The following ASAP1 variants were observed in gnomAD, a reference collection of about 807,000 sequenced individuals.
ASAP1 encodes the protein arf-GAP with SH3 domain, ANK repeat and PH domain-containing protein 1.
A neutral mutation model predicts 145.2 loss-of-function variants in ASAP1; 43 were observed. The observed-to-expected ratio is 0.30, with a 90% confidence interval of 0.23 to 0.38. ASAP1 has a LOEUF of 0.38. Ranked by LOEUF, ASAP1 falls within the 10% of genes least tolerant of loss-of-function variation. ASAP1 has a pLI of 1.00. For synonymous variants in ASAP1, 546 were observed against 515.5 expected (o/e 1.06, Z -0.80); for missense variants, 1,018 against 1,355.3 (o/e 0.75, Z 3.91).
chr8:130,114,308 T>A (rs1045900369), intron 23 of ASAP1, among the ~76,000 whole-genome samples: 1 of 152,206 alleles, frequency 6.6e-6, no homozygotes, highest in African/African-American at 2.4e-5. Flanking sequence ...GCTACAAACC[T>A]GTACAGCATG....
At chr8:130,170,403 C>G (rs746026491) in intron 9 of ASAP1, among the ~76,000 whole-genome samples, 1 of 152,106 alleles carries the variant, frequency 6.6e-6, no homozygotes, top group Non-Finnish European at 1.5e-5. Flanking sequence ...GATCTGCCCA[C>G]CTCGGCCTCC....
chr8:130,362,500 T>C (rs1420555491), intron 2 of ASAP1, among the ~76,000 whole-genome samples: 1 of 152,240 alleles, frequency 6.6e-6, no homozygotes, highest in African/African-American at 2.4e-5. Context: ...TATGGATAAG[T>C]AGGCTGATGC....
At position 130,076,157 on chromosome 8, in the gene ASAP1, C is replaced by T. The variant is rs1021964843; in HGVS notation, c.2701+191G>A. On this transcript the variant is annotated intron_variant, in intron 27 of 29. Transcript: ENST00000518721. ...TATTCTGGAAAAGTATGGTGCTTTG[C>T]TAATCACCAAATTTGAGTTTATAAA... Among the ~76,000 whole-genome samples, 7 of 152,156 alleles carry T rather than the reference C, an allele frequency of 4.6e-5. No homozygotes were observed. The South Asian group carries it at 1.2e-3, about 27-fold the overall frequency.
At chr8:130,441,431 C>A (rs754211680) in intron 1 of ASAP1, among the ~76,000 whole-genome samples, 10 of 152,194 alleles carry the variant, frequency 6.6e-5, no homozygotes, top group Non-Finnish European at 1.3e-4. Flanking sequence ...CCTTCCGGAG[C>A]CCATGCCAGA....
intron 3 of ASAP1, among the ~76,000 whole-genome samples, chr8:130,277,691 G>T (rs1820996211): frequency 6.6e-6 from 1 of 152,178 alleles, no homozygotes; most frequent in Admixed American, 6.5e-5. Flanking sequence ...AATGCCTTAG[G>T]AAACACCACC....
intron 27 of ASAP1, among the ~76,000 whole-genome samples, chr8:130,065,090 G>A (rs940353700): frequency 7.9e-5 from 12 of 151,826 alleles, no homozygotes; most frequent in African/African-American, 2.4e-4. Flanking sequence ...TATGTTACCC[G>A]GCTGGTCTCC....
At chr8:130,124,200 T>G in intron 17 of ASAP1, 96 bp from the exon 18 acceptor site, 1 of 871,610 alleles carries the variant, frequency 1.1e-6, no homozygotes, top group Non-Finnish European at 1.8e-6. Flanking sequence ...TGAATATGTA[T>G]TTTCCCTCAT....
chr8:130,241,393 A>C (rs1818518393), intron 3 of ASAP1, among the ~76,000 whole-genome samples: 1 of 152,152 alleles, frequency 6.6e-6, no homozygotes, highest in African/African-American at 2.4e-5. Flanking sequence ...TACTAGAAGA[A>C]TGGAAGTTCT....
intron 5 of ASAP1, among the ~76,000 whole-genome samples, chr8:130,200,803 C>T (rs1354484590): frequency 6.6e-6 from 1 of 152,128 alleles, no homozygotes; most frequent in Non-Finnish European, 1.5e-5. Context: ...ATATAATTAA[C>T]CAGCAGCCTA....
At chr8:130,168,451 T>C (rs2097684614) in intron 10 of ASAP1, among the ~76,000 whole-genome samples, 1 of 152,042 alleles carries the variant, frequency 6.6e-6, no homozygotes, top group African/African-American at 2.4e-5. Flanking sequence ...TCAAGACTAG[T>C]CTGGGCAACA....
At chr8:130,072,793 A>C (rs6992032) in intron 27 of ASAP1, among the ~76,000 whole-genome samples, 1 of 102,606 alleles carries the variant, frequency 9.7e-6, no homozygotes, top group Non-Finnish European at 2.1e-5. Flanking sequence ...TGCAATTGAT[A>C]TGTGTGTGTG....
At chr8:130,221,054 A>G (rs1817265445) in intron 4 of ASAP1, among the ~76,000 whole-genome samples, 1 of 152,042 alleles carries the variant, frequency 6.6e-6, no homozygotes, top group African/African-American at 2.4e-5. Context: ...GAGCCAGACC[A>G]TATCACCGGT....
intron 9 of ASAP1, among the ~76,000 whole-genome samples, chr8:130,171,604 G>A (rs566221705): frequency 5.9e-5 from 9 of 152,286 alleles, no homozygotes; most frequent in African/African-American, 2.2e-4. Context: ...ACAATTCAAG[G>A]TGAGATTTGG....
intron 11 of ASAP1, 99 bp downstream of exon 11, chr8:130,167,437 A>G (rs776390815): frequency 2.1e-6 from 2 of 940,948 alleles, no homozygotes; most frequent in African/African-American, 1.6e-5. Context: ...TGCATATTAT[A>G]TATCACTGTG....
At chr8:130,244,523 T>C (rs1001071161) in intron 3 of ASAP1, among the ~76,000 whole-genome samples, 4 of 152,058 alleles carry the variant, frequency 2.6e-5, no homozygotes. Flanking sequence ...ACCTAACTAG[T>C]CTGAAAATAT....
At chr8:130,397,281 C>T (rs1190650646) in intron 2 of ASAP1, among the ~76,000 whole-genome samples, 1 of 152,112 alleles carries the variant, frequency 6.6e-6, no homozygotes, top group Non-Finnish European at 1.5e-5. Flanking sequence ...GCTGGGACTA[C>T]AGGCGCCCAC....
At chr8:130,425,541 G>C (rs1274740435) in intron 1 of ASAP1, among the ~76,000 whole-genome samples, 1 of 152,014 alleles carries the variant, frequency 6.6e-6, no homozygotes, top group Non-Finnish European at 1.5e-5. Flanking sequence ...ACAAAAAACA[G>C]CATGGGTCTC....
At chr8:130,298,293 T>A (rs912300688) in intron 3 of ASAP1, among the ~76,000 whole-genome samples, 1 of 152,214 alleles carries the variant, frequency 6.6e-6, no homozygotes, top group African/African-American at 2.4e-5. Flanking sequence ...TTCAACATGA[T>A]GTACAACATA....
At chr8:130,074,931 G>C (rs1232847672) in intron 27 of ASAP1, among the ~76,000 whole-genome samples, 1 of 152,200 alleles carries the variant, frequency 6.6e-6, no homozygotes, top group African/African-American at 2.4e-5. Flanking sequence ...AGGAGCTGAG[G>C]GAGCACATCA....
Sources: gnomAD v4.1 joint callset for allele counts (sites outside exome capture counted in the v4.1 genomes callset) on GRCh38, gnomAD v4.1.1 for gene constraint, MANE v1.5 for transcripts, NCBI Gene and HGNC (gene_info 2026-07-23, HGNC 2026-07-21) for gene names.